Variants in MMEL1 observed in about 807,000 individuals in gnomAD.
MMEL1 encodes membrane metalloendopeptidase like 1, also known as membrane metallo-endopeptidase-like 1.
Under a neutral mutation model 117.1 loss-of-function variants are expected in MMEL1, and 98 were observed. The observed-to-expected ratio is 0.84, with a 90% CI of 0.71 to 0.99. The LOEUF (loss-of-function observed/expected upper bound fraction) is 0.99, where lower values mean the gene tolerates loss of function less well. Ranked by LOEUF, MMEL1 falls within the 50% of genes least tolerant of loss-of-function variation. The pLI is 0.00. For synonymous variants in MMEL1, 390 were observed against 415.1 expected, an observed-to-expected ratio of 0.94 and a Z score of 0.74; for missense variants, 1,014 against 1,049.1, an observed-to-expected ratio of 0.97 and a Z score of 0.46.
Position 2,590,916 on chromosome 1 carries a change from C to A in MMEL1, c.*74G>T. The A allele has an allele frequency of 1.6e-5, 19 of 1,201,294 alleles. No individual in the cohort carries two copies. The highest frequency in any genetic ancestry group is 2.1e-5 in the Non-Finnish European group (19 of 916,978). The allele number at this position is 1,201,294 out of a possible 1,614,324, so 74.4% of individuals were successfully genotyped here. On this transcript the variant is annotated 3_prime_UTR_variant, in exon 24 of 24. Transcript: ENST00000378412. ...CGGGGCGGGACGTACACTGGGTCGC[C>A]GCTAGCTGCACCTTCGCACAGATGC...
rs1446421446 is a variant in MMEL1, at chr1:2,607,124, G to A, written c.536-55C>T. The stretch of plus-strand genomic sequence containing the variant: ...AGCCTCCCTGTGGCTCACGTGCCAC[G>A]ACACAGAACTGTGGGGGCGCCGTTG... On this transcript the variant is annotated intron_variant, in intron 6 of 23. Coordinates refer to ENST00000378412, the MANE Select transcript of MMEL1 (RefSeq NM_033467.4). 5.4e-6 allele frequency: 8 copies of A among 1,493,744 alleles called. No individual in the cohort carries two copies. In the East Asian group the frequency reaches 6.8e-5, roughly 13 times the overall value. 92.5% of individuals were successfully genotyped at this position (1,493,744 alleles called of 1,614,324 possible).
chr1:2,620,515 C>G (rs985838696), intron 2 of MMEL1, among the ~76,000 whole-genome samples: 20 of 152,086 alleles, frequency 1.3e-4, no homozygotes, highest in African/African-American at 4.8e-4. Context: ...CTGTTTGGGG[C>G]TTGTTATGGA....
intron 17 of MMEL1, 121 bp from the exon 18 acceptor site, chr1:2,594,564 C>A: frequency 7.9e-7 from 1 of 1,261,650 alleles, no homozygotes; most frequent in Non-Finnish European, 1.1e-6. Context: ...CAGGCCTATC[C>A]CAAGATCTGG....
At position 2,593,861 on chromosome 1, in the gene MMEL1, A is replaced by G. The variant is rs1189377042; in HGVS notation, c.1820T>C (p.Ile607Thr). The G allele has an allele frequency of 4.3e-6, 7 of 1,612,418 alleles. No homozygotes were observed. The highest frequency in any genetic ancestry group is 1.7e-5 in the Admixed American group (1 of 59,852). ...GATCTCGTGCCCGATCACCATCCCA[A>G]TGCCTCCAAAGTTCAAGGCCTGTGG... ...EQPQALNFGG[I>T]GMVIGHEITH... is the part of the protein sequence containing the mutation. Residue 607 changes from isoleucine (I) to threonine (T), a missense_variant, in exon 19 of 24, where the codon ATT becomes ACT. Physicochemically the swap from Ile to Thr is moderately conservative, Grantham distance 89. Coordinates refer to ENST00000378412, the MANE Select transcript of MMEL1 (RefSeq NM_033467.4).
At chr1:2,617,764 C>G (rs527468178) in intron 2 of MMEL1, among the ~76,000 whole-genome samples, 1 of 152,214 alleles carries the variant, frequency 6.6e-6, no homozygotes, top group African/African-American at 2.4e-5. Flanking sequence ...AGAGAAAAAG[C>G]AAAAACAGTG....
intron 2 of MMEL1, among the ~76,000 whole-genome samples, chr1:2,621,568 G>A (rs1645289347): frequency 7.2e-6 from 1 of 137,932 alleles, no homozygotes; most frequent in Non-Finnish European, 1.5e-5. Flanking sequence ...CTGAACCAAT[G>A]CACATTTTTT....
At chr1:2,629,928 C>T (rs920940903) in intron 1 of MMEL1, 1 of 159,550 alleles carries the variant, frequency 6.3e-6, no homozygotes, top group African/African-American at 2.4e-5. Context: ...CCCAGCCCAC[C>T]TTTCCTGTTG....
In MMEL1 at chr1:2,623,399, G is replaced by C. The variant is rs1557557734; in HGVS notation, c.154+5932C>G. ...ATCATTTCCTTCCGTACAAGAAAAA[G>C]CCAAAGAAACTACAAAAAGCACAAC... On this transcript the variant is annotated intron_variant, in intron 2 of 23. Coordinates refer to ENST00000378412, the MANE Select transcript of MMEL1 (RefSeq NM_033467.4). 3.9e-5 allele frequency among the ~76,000 whole-genome samples: 6 copies of C among 152,232 alleles called. No individual in the cohort carries two copies. The South Asian group carries it at 1.2e-3, about 32-fold the overall frequency.
At chr1:2,605,941 G>A (rs965059666) in intron 8 of MMEL1, among the ~76,000 whole-genome samples, 10 of 152,214 alleles carry the variant, frequency 6.6e-5, no homozygotes, top group African/African-American at 2.2e-4. Context: ...CCTCCAGCCC[G>A]TGGCCAGCAG....
chr1:2,616,410 C>T (rs142486132), intron 2 of MMEL1, among the ~76,000 whole-genome samples: 2,078 of 148,718 alleles, frequency 0.014, 23 homozygotes, highest in Admixed American at 0.024. Context: ...GTAAGAATGA[C>T]GGTGACCTCT....
At chr1:2,592,129 T>G in intron 21 of MMEL1, 102 bp from the exon 22 acceptor site, 3 of 913,272 alleles carry the variant, frequency 3.3e-6, no homozygotes, top group Non-Finnish European at 5.1e-6. Context: ...GACCTACCCC[T>G]GTGGGGGTCC....
At chr1:2,609,540 C>A in intron 5 of MMEL1, 121 bp from the exon 6 acceptor site, 3 of 1,514,880 alleles carry the variant, frequency 2.0e-6, no homozygotes, top group Non-Finnish European at 2.7e-6. Context: ...GGTCTTTATT[C>A]CCTCTCCTCT....
chr1:2,595,369 G>A lies in MMEL1; in HGVS notation c.1501-10C>T, dbSNP rs1217356228. The A allele has an allele frequency of 1.2e-6, 2 of 1,613,312 alleles. No homozygotes were observed. The highest frequency in any genetic ancestry group is 1.7e-6 in the Non-Finnish European group (2 of 1,179,734). ...CCCGGATGCTCATGGCCTGAGTGGG[G>A]AGGAGGGACTGGTCAGTGGGTGCCC... is the stretch of plus-strand genomic sequence containing the variant. On this transcript the variant is annotated splice_polypyrimidine_tract_variant and intron_variant, in intron 15 of 23. Transcript: ENST00000378412. The surrounding 1 kb of genome is among the most constrained non-coding windows in gnomAD (Gnocchi z 4.8).
intron 1 of MMEL1, among the ~76,000 whole-genome samples, chr1:2,631,173 C>T (rs551569500): frequency 3.8e-4 from 58 of 152,310 alleles, no homozygotes; most frequent in African/African-American, 1.3e-3. Context: ...TTGCCCGGTC[C>T]TAGGGAAGCG....
intron 1 of MMEL1, among the ~76,000 whole-genome samples, chr1:2,630,570 TGTGA>T (rs199970963): frequency 0.011 from 1,503 of 138,838 alleles, 63 homozygotes; most frequent in Admixed American, 0.078. Context: ...TGTGTGTGAC[TGTGA>T]GTGAGTGTGC....
At chr1:2,618,613 G>A (rs1645240486) in intron 2 of MMEL1, among the ~76,000 whole-genome samples, 1 of 152,108 alleles carries the variant, frequency 6.6e-6, no homozygotes, top group Non-Finnish European at 1.5e-5. Flanking sequence ...TGCCATTGCC[G>A]AGTTTACAGA....
At chr1:2,610,366 C>A (rs1301686416) in intron 4 of MMEL1, among the ~76,000 whole-genome samples, 1 of 152,160 alleles carries the variant, frequency 6.6e-6, no homozygotes, top group Non-Finnish European at 1.5e-5. Flanking sequence ...TCTTGAACCC[C>A]AAACCCTCCG....
intron 2 of MMEL1, among the ~76,000 whole-genome samples, chr1:2,623,265 A>G (rs1356928013): frequency 6.6e-6 from 1 of 152,230 alleles, no homozygotes; most frequent in Non-Finnish European, 1.5e-5. Context: ...ATTGTTTGGA[A>G]GAAATAATAG....
chr1:2,603,750 G>T, intron 11 of MMEL1, 134 bp downstream of exon 11: 2 of 745,266 alleles, frequency 2.7e-6, no homozygotes, highest in Non-Finnish European at 4.4e-6. Flanking sequence ...TCAGGTACAG[G>T]GTCTCCCTGC....
Sources: allele counts gnomAD v4.1 joint callset (sites outside exome capture counted in the v4.1 genomes callset), GRCh38; gene constraint gnomAD v4.1.1; non-coding constraint Gnocchi (gnomAD v3.1); transcripts MANE v1.5; gene names NCBI Gene and HGNC (gene_info 2026-07-23, HGNC 2026-07-21).